CDKAL1: variants seen among roughly 807,000 people sequenced by gnomAD.
CDKAL1 encodes the protein threonylcarbamoyladenosine tRNA methylthiotransferase.
A neutral mutation model predicts 68.2 loss-of-function variants in CDKAL1; 32 were observed. The ratio of observed to expected loss-of-function variants is 0.47; its 90% confidence interval spans 0.35 to 0.63. The LOEUF is 0.63. Ranked by LOEUF, CDKAL1 falls within the 30% of genes least tolerant of loss-of-function variation. The pLI is 0.00. For synonymous variants in CDKAL1, 234 were observed against 244.3 expected, an observed-to-expected ratio of 0.96 and a Z score of 0.39; for missense variants, 606 against 696.7, an observed-to-expected ratio of 0.87 and a Z score of 1.47.
At chr6:21,200,910 AATATT>A (rs1191054437) in intron 14 of CDKAL1, 195 bp from the exon 15 acceptor site, 1 of 432,734 alleles carries the variant, frequency 2.3e-6, no homozygotes, top group Non-Finnish European at 4.1e-6. Context: ...TTCGGTTAAT[AATATT>A]AATATATCAA....
intron 13 of CDKAL1, among the ~76,000 whole-genome samples, chr6:21,138,187 T>G (rs1775712699): frequency 6.6e-6 from 1 of 152,132 alleles, no homozygotes; most frequent in Admixed American, 6.6e-5. Context: ...CCAAATAAAT[T>G]CAATGACTCA....
chr6:20,750,586 C>T (rs1473422218), intron 6 of CDKAL1, among the ~76,000 whole-genome samples: 1 of 152,094 alleles, frequency 6.6e-6, no homozygotes, highest in Non-Finnish European at 1.5e-5. Context: ...ACCTATCTGC[C>T]ATTCCTGGAC....
chr6:20,887,098 G>A (rs962878400), intron 9 of CDKAL1, among the ~76,000 whole-genome samples: 2 of 152,158 alleles, frequency 1.3e-5, no homozygotes, highest in African/African-American at 4.8e-5. Context: ...AGTCACAAGG[G>A]AAATGCAAAT....
At chr6:21,054,164 T>G (rs2150916244) in intron 11 of CDKAL1, among the ~76,000 whole-genome samples, 2 of 152,256 alleles carry the variant, frequency 1.3e-5, no homozygotes, top group East Asian at 3.9e-4. Flanking sequence ...ATGTGTGGGG[T>G]TTTTTGCATA....
At chr6:20,784,826 A>G (rs1460535637) in intron 8 of CDKAL1, among the ~76,000 whole-genome samples, 1 of 152,158 alleles carries the variant, frequency 6.6e-6, no homozygotes, top group South Asian at 2.1e-4. Flanking sequence ...TAAATGTTTT[A>G]TAAGTTATGA....
intron 9 of CDKAL1, among the ~76,000 whole-genome samples, chr6:20,930,728 G>A (rs1459443157): frequency 6.8e-6 from 1 of 147,144 alleles, no homozygotes; most frequent in Admixed American, 7.1e-5. Flanking sequence ...AACTTTATGA[G>A]GTACAGGTAT....
chr6:20,906,555 A>G (rs751818487), intron 9 of CDKAL1, among the ~76,000 whole-genome samples: 3 of 152,160 alleles, frequency 2.0e-5, no homozygotes, highest in Non-Finnish European at 2.9e-5. Flanking sequence ...AACCCATTAT[A>G]AAGTCAAAAA....
intron 6 of CDKAL1, among the ~76,000 whole-genome samples, chr6:20,754,374 A>G (rs965605892): frequency 2.0e-5 from 3 of 152,312 alleles, no homozygotes; most frequent in South Asian, 2.1e-4. Context: ...ATAAAATACA[A>G]TTGACCACTG....
chr6:20,601,182 T>C (rs994562391), intron 4 of CDKAL1, among the ~76,000 whole-genome samples: 1 of 152,124 alleles, frequency 6.6e-6, no homozygotes, highest in African/African-American at 2.4e-5. Flanking sequence ...ATTATAAAAG[T>C]CTCAATACCT....
At chr6:20,999,663 T>TAA (rs36078234) in intron 10 of CDKAL1, among the ~76,000 whole-genome samples, 8,554 of 92,740 alleles carry the variant, frequency 0.092, 324 homozygotes, top group African/African-American at 0.12. Flanking sequence ...TGACTGAAAT[T>TAA]AAAAAAAAAA....
intron 11 of CDKAL1, among the ~76,000 whole-genome samples, chr6:21,051,871 G>T (rs1387294349): frequency 6.6e-6 from 1 of 152,152 alleles, no homozygotes; most frequent in Non-Finnish European, 1.5e-5. Context: ...TATGAAAGAA[G>T]AAGTGGAAGC....
At chr6:20,854,658 A>C (rs1377153139) in intron 9 of CDKAL1, among the ~76,000 whole-genome samples, 1 of 152,206 alleles carries the variant, frequency 6.6e-6, no homozygotes, top group Non-Finnish European at 1.5e-5. Context: ...GAGTTTTCAT[A>C]GTTCAGAGTA....
At chr6:20,732,574 A>G (rs554315772) in intron 5 of CDKAL1, among the ~76,000 whole-genome samples, 7 of 152,016 alleles carry the variant, frequency 4.6e-5, no homozygotes, top group African/African-American at 1.4e-4. Context: ...GGCGTGAGCC[A>G]CTATGCCTGG....
intron 5 of CDKAL1, among the ~76,000 whole-genome samples, chr6:20,719,696 G>A (rs756593876): frequency 3.3e-5 from 5 of 152,040 alleles, no homozygotes; most frequent in African/African-American, 1.2e-4. Context: ...ATAGTTTAGC[G>A]AATTAAGTAA....
At chr6:20,985,579 G>A (rs1219426435) in intron 10 of CDKAL1, among the ~76,000 whole-genome samples, 2 of 152,194 alleles carry the variant, frequency 1.3e-5, no homozygotes, top group Admixed American at 6.5e-5. Flanking sequence ...ATAGGCGTGG[G>A]CCACTGCACC....
At chr6:20,576,988 C>T (rs1764940860) in intron 4 of CDKAL1, among the ~76,000 whole-genome samples, 2 of 152,092 alleles carry the variant, frequency 1.3e-5, no homozygotes, top group South Asian at 4.1e-4. Context: ...TTGTATTTAA[C>T]AATTTTTTTG....
At chr6:20,857,824 C>T (rs991426135) in intron 9 of CDKAL1, among the ~76,000 whole-genome samples, 14 of 152,146 alleles carry the variant, frequency 9.2e-5, no homozygotes, top group African/African-American at 3.4e-4. Flanking sequence ...GCCCCAGCTC[C>T]ATTCCTCCCA....
chr6:20,779,196 C>T (rs1337304311), intron 7 of CDKAL1, among the ~76,000 whole-genome samples: 2 of 152,150 alleles, frequency 1.3e-5, no homozygotes, highest in Non-Finnish European at 2.9e-5. Flanking sequence ...CTGATGGGAA[C>T]ATTAAATGGT....
chr6:21,100,041 A>G (rs1451278644), intron 12 of CDKAL1, among the ~76,000 whole-genome samples: 2 of 151,428 alleles, frequency 1.3e-5, no homozygotes, highest in Admixed American at 6.6e-5. Context: ...AGAATTTTCT[A>G]TTTGCATTTT....
Sources: allele counts gnomAD v4.1 joint callset (sites outside exome capture counted in the v4.1 genomes callset), GRCh38; gene constraint gnomAD v4.1.1; transcripts MANE v1.5; gene names NCBI Gene and HGNC (gene_info 2026-07-23, HGNC 2026-07-21).